AOC2: variants seen among roughly 807,000 people sequenced by gnomAD.
AOC2 encodes amine oxidase copper containing 2, also known as amine oxidase [copper-containing] 2.
Under a neutral mutation model 53.8 loss-of-function variants are expected in AOC2, and 57 were observed. That is an observed-to-expected ratio of 1.06 (90% confidence interval 0.86 to 1.32). The LOEUF is 1.32. AOC2 is among the 40% of genes most tolerant of loss of function. The pLI is 0.00. For missense variants in AOC2, 1,008 were observed against 957.2 expected (o/e 1.05, Z -0.70); for synonymous variants, 404 against 399.0 (o/e 1.01, Z -0.15).
chr17:42,846,449 C>T (rs34970018), intron 1 of AOC2, among the ~76,000 whole-genome samples: 120 of 152,308 alleles, frequency 7.9e-4, no homozygotes, highest in African/African-American at 2.8e-3. Context: ...CCCGCCCAGC[C>T]CCTCTGACTT....
chr17:42,849,003 A>T (rs535664146), intron 1 of AOC2, 83 bp from the exon 2 acceptor site: 94 of 1,389,168 alleles, frequency 6.8e-5, no homozygotes, highest in Non-Finnish European at 8.9e-5. Context: ...ACACCAGTGC[A>T]GTGGACATCA....
chr17:42,845,411 G>A lies in AOC2; in HGVS notation c.785G>A (p.Gly262Glu). 1 of 1,614,176 alleles carries A rather than the reference G, an allele frequency of 6.2e-7. No individual in the cohort carries two copies. Among genetic ancestry groups the A allele is most frequent in the South Asian group, 1.1e-5 (1 of 91,082 alleles). ...HWTVQQVFYLGHYYADLGQLE... is the reference protein window; with the variant it reads ...HWTVQQVFYLEHYYADLGQLE... ...ACTGTCCAGCAGGTCTTCTACCTTG[G>A]GCACTACTATGCAGACTTGGGCCAG... The change falls in exon 1 of 4, where the codon GGG becomes GAG. Residue 262 changes from glycine to glutamate, a missense_variant. By Grantham distance (98) the Gly-to-Glu change is moderately conservative (BLOSUM62 -2). Coordinates refer to ENST00000253799, the MANE Select transcript of AOC2 (RefSeq NM_009590.4).
At chr17:42,848,936 G>T (rs1378158641) in intron 1 of AOC2, 150 bp from the exon 2 acceptor site, 24 of 832,366 alleles carry the variant, frequency 2.9e-5, no homozygotes, top group Non-Finnish European at 4.4e-5. Flanking sequence ...GCTTGCTCTT[G>T]CCCAGACCTC....
intron 1 of AOC2, among the ~76,000 whole-genome samples, chr17:42,847,608 A>T (rs1371854213): frequency 1.3e-5 from 2 of 152,038 alleles, no homozygotes; most frequent in Non-Finnish European, 2.9e-5. Context: ...TATGCAGGGG[A>T]CCATGGGAAG....
rs992409296 is a variant in AOC2, at chr17:42,846,187, C to T, written c.1561C>T (p.His521Tyr). The change falls in exon 1 of 4, where the codon CAC becomes TAC. Residue 521 changes from histidine to tyrosine, a missense_variant. Coordinates refer to ENST00000253799, the MANE Select transcript of AOC2 (RefSeq NM_009590.4). Reference protein sequence around the residue: ...VLGTVHTHAFHFKLDLDVAGL... With the variant: ...VLGTVHTHAFYFKLDLDVAGL... ...GGGAACGGTGCACACACATGCCTTC[C>T]ACTTCAAGCTGGACCTGGATGTGGC... 1.3e-6 allele frequency: 2 copies of T among 1,524,490 alleles called. No homozygotes were observed. Among genetic ancestry groups the T allele is most frequent in the Non-Finnish European group, 1.8e-6 (2 of 1,135,638 alleles). The allele number at this position is 1,524,490 out of a possible 1,614,324, so 94.4% of individuals were successfully genotyped here.
chr17:42,850,182 G>A lies in AOC2; in HGVS notation c.2105G>A (p.Arg702Gln), dbSNP rs1313514149. The A allele has an allele frequency of 3.1e-6, 5 of 1,613,986 alleles. No homozygotes were observed. In the African/African-American group the frequency reaches 5.3e-5, roughly 17 times the overall value. ...GGGAACAGAGTTGGCTTCTTGCTCC[G>A]ACCCTATAACTTCTTTGATGAGGAC... ...TLGNRVGFLL[R>Q]PYNFFDEDPS... The change falls in exon 4 of 4, where the codon CGA becomes CAA. Residue 702 changes from arginine (R) to glutamine (Q), a missense_variant. Arg to Gln is a conservative substitution (Grantham distance 43). Coordinates refer to ENST00000253799, the MANE Select transcript of AOC2 (RefSeq NM_009590.4).
Position 42,844,805 on chromosome 17 carries a change from G to A in AOC2, c.179G>A (p.Ser60Asn). The A allele has an allele frequency of 6.2e-7, 1 of 1,614,122 alleles. No individual in the cohort carries two copies. Among genetic ancestry groups the A allele is most frequent in the Non-Finnish European group, 8.5e-7 (1 of 1,179,968 alleles). The change falls in exon 1 of 4, where the codon AGC becomes AAC. Residue 60 changes from serine to asparagine, a missense_variant. Transcript: ENST00000253799. Reference sequence around the variant, plus strand: ...CAGAGCCAGCTGTTTGCAGACCTGAGCCGAGAGGAGTTGACAGCTGTGATG... The same window carrying A: ...CAGAGCCAGCTGTTTGCAGACCTGAACCGAGAGGAGTTGACAGCTGTGATG... ...PGQSQLFADLSREELTAVMRF... is the reference protein window; with the variant it reads ...PGQSQLFADLNREELTAVMRF...
Position 42,846,077 on chromosome 17 carries a change from A to G in AOC2, c.1451A>G (p.His484Arg). 7.5e-6 allele frequency: 12 copies of G among 1,606,886 alleles called. No homozygotes were observed. The highest frequency in any genetic ancestry group is 1.0e-5 in the Non-Finnish European group (12 of 1,174,814). ...YPNGALEGRVHATGYINTAFL... is the reference protein window; with the variant it reads ...YPNGALEGRVRATGYINTAFL... ...AATGGGGCACTTGAAGGGCGGGTCC[A>G]TGCCACGGGTTATATCAACACAGCT... Residue 484 changes from histidine (H) to arginine (R), a missense_variant, in exon 1 of 4, where the codon CAT becomes CGT. His to Arg is a conservative substitution (Grantham distance 29). Coordinates refer to ENST00000253799, the MANE Select transcript of AOC2 (RefSeq NM_009590.4).
Position 42,845,453 on chromosome 17 carries a change from A to T in AOC2, c.827A>T (p.Lys276Met), listed in dbSNP as rs746615116. 6.2e-7 allele frequency: 1 copy of T among 1,614,146 alleles called. No individual in the cohort carries two copies. Among genetic ancestry groups the T allele is most frequent in the African/African-American group, 1.3e-5 (1 of 75,024 alleles). ...TTGGGCCAGTTGGAACGGGAGTTTA[A>T]GTCTGGCCGGTTGGAAGTGGTTAGA... ...ADLGQLEREF[K>M]SGRLEVVRVP... Residue 276 changes from lysine (K) to methionine (M), a missense_variant, in exon 1 of 4, where the codon AAG becomes ATG. By Grantham distance (95) the Lys-to-Met change is moderately conservative. Coordinates refer to ENST00000253799, the MANE Select transcript of AOC2 (RefSeq NM_009590.4).
Position 42,849,688 on chromosome 17 carries a change from T to TA in AOC2, c.1963dup (p.Thr655AsnfsTer4), listed in dbSNP as rs1159224553. 3 of 1,614,238 alleles carry TA rather than the reference T, an allele frequency of 1.9e-6. No homozygotes were observed. The highest frequency in any genetic ancestry group is 1.3e-5 in the African/African-American group (1 of 75,076). ...AGAATGACATCTGGACACCCACAGT[T>TA]ACCTTTGCTGACTTCATCAACAATG... On this transcript the variant is annotated frameshift_variant, in exon 3 of 4. Transcript: ENST00000253799. LOFTEE classifies it high-confidence loss of function.
rs781736600 is a variant in AOC2 at position 42,850,166 on chromosome 17, G to A, written c.2089G>A (p.Val697Ile). The change falls in exon 4 of 4, where the codon GTT becomes ATT. Residue 697 changes from valine (V) to isoleucine (I), a missense_variant. Val to Ile is a conservative substitution (Grantham distance 29, BLOSUM62 3). Coordinates refer to ENST00000253799, the MANE Select transcript of AOC2 (RefSeq NM_009590.4). ...AAACACAGTGACTCTGGGGAACAGA[G>A]TTGGCTTCTTGCTCCGACCCTATAA... ...IPNTVTLGNR[V>I]GFLLRPYNFF... is the part of the protein sequence containing the mutation. The A allele has an allele frequency of 2.5e-6, 4 of 1,614,078 alleles. No individual in the cohort carries two copies. The African/African-American group carries it at 5.3e-5, about 22-fold the overall frequency.
chr17:42,848,199 G>T (rs1170224520), intron 1 of AOC2, among the ~76,000 whole-genome samples: 2 of 150,742 alleles, frequency 1.3e-5, no homozygotes, highest in South Asian at 4.2e-4. Flanking sequence ...GCCACACCCG[G>T]CTCAGGAGTC....
At chr17:42,849,566 T>G in intron 2 of AOC2, 35 bp from the exon 3 acceptor site, 1 of 1,614,106 alleles carries the variant, frequency 6.2e-7, no homozygotes, top group Non-Finnish European at 8.5e-7. Flanking sequence ...GCACTTGACA[T>G]TTCCCAAAAC....
chr17:42,845,578 A>G lies in AOC2; in HGVS notation c.952A>G (p.Ser318Gly), dbSNP rs1454687636. The G allele has an allele frequency of 3.7e-6, 6 of 1,614,004 alleles. No individual in the cohort carries two copies. In the Admixed American group the frequency reaches 6.7e-5, roughly 18 times the overall value. ...LQFSPQGSQY[S>G]VQGNLVVSSL... Reference sequence around the variant, plus strand: ...GTTCTCGCCCCAGGGTTCCCAGTACAGTGTGCAAGGAAACCTGGTGGTATC... The same window carrying G: ...GTTCTCGCCCCAGGGTTCCCAGTACGGTGTGCAAGGAAACCTGGTGGTATC... The change falls in exon 1 of 4, where the codon AGT (serine) becomes GGT (glycine). Residue 318 changes from serine (S) to glycine (G), a missense_variant. By Grantham distance (56) the Ser-to-Gly change is moderately conservative (BLOSUM62 0). Transcript: ENST00000253799.
intron 1 of AOC2, among the ~76,000 whole-genome samples, chr17:42,847,523 G>A (rs1459733089): frequency 6.6e-6 from 1 of 152,208 alleles, no homozygotes; most frequent in African/African-American, 2.4e-5. Context: ...GTATGAATGT[G>A]CTTGCTTCTG....
Position 42,848,548 on chromosome 17 carries a change from T to TAC in AOC2, c.1589-537_1589-536insCA, listed in dbSNP as rs1555552840. ...GAATATATATATATATATATATACA[T>TAC]ATATATATATATATATATTTTAGAC... On this transcript the variant is annotated intron_variant, in intron 1 of 3. Transcript: ENST00000253799. 5.6e-3 allele frequency among the ~76,000 whole-genome samples: 731 copies of TAC among 131,028 alleles called. 16 individuals are homozygous for TAC. The highest frequency in any genetic ancestry group is 0.021 in the African/African-American group (689 of 32,842). 86.0% of individuals were successfully genotyped at this position (131,028 alleles called of 152,430 possible).
At position 42,850,607 on chromosome 17, in the gene AOC2, C is replaced by A; in HGVS notation, c.*259C>A. 2.6e-6 allele frequency: 1 copy of A among 382,454 alleles called. No homozygotes were observed. The highest frequency in any genetic ancestry group is 4.2e-5 in the East Asian group (1 of 23,594). The allele number at this position is 382,454 out of a possible 1,614,324, so 23.7% of individuals were successfully genotyped here. Reference sequence around the variant, plus strand: ...TACTCAGAAATAGGTGGTCACATTACATCAGACATCTCTTTATGCATGTGC... The same window carrying A: ...TACTCAGAAATAGGTGGTCACATTAAATCAGACATCTCTTTATGCATGTGC... On this transcript the variant is annotated 3_prime_UTR_variant, in exon 4 of 4. Transcript: ENST00000253799.
rs747673953 is a variant in AOC2 at position 42,850,269 on chromosome 17, G to A, written c.2192G>A (p.Ser731Asn). Reference sequence around the variant, plus strand: ...AAGGGCCAGGATGCTGGGCTCTGCAGCATCAATCCTGTGGCCTGCCTCCCC... The same window carrying A: ...AAGGGCCAGGATGCTGGGCTCTGCAACATCAATCCTGTGGCCTGCCTCCCC... Reference protein sequence around the residue: ...FEKGQDAGLCSINPVACLPDL... With the variant: ...FEKGQDAGLCNINPVACLPDL... The change falls in exon 4 of 4, where the codon AGC (serine) becomes AAC (asparagine). Residue 731 changes from serine to asparagine, a missense_variant. Ser to Asn is a conservative substitution (Grantham distance 46, BLOSUM62 1). Coordinates refer to ENST00000253799, the MANE Select transcript of AOC2 (RefSeq NM_009590.4). 1.9e-6 allele frequency: 3 copies of A among 1,614,176 alleles called. No individual in the cohort carries two copies. The highest frequency in any genetic ancestry group is 4.5e-5 in the East Asian group (2 of 44,886).
At chr17:42,849,801 A>G in intron 3 of AOC2, 71 bp downstream of exon 3, 1 of 1,602,530 alleles carries the variant, frequency 6.2e-7, no homozygotes, top group Non-Finnish European at 8.5e-7. Context: ...GCCTCTGGCC[A>G]AAGGTTAGAG....
Sources: gnomAD v4.1 joint callset for allele counts (sites outside exome capture counted in the v4.1 genomes callset) on GRCh38, gnomAD v4.1.1 for gene constraint, MANE v1.5 for transcripts, NCBI Gene and HGNC (gene_info 2026-07-23, HGNC 2026-07-21) for gene names.